NKIRAS1: variants seen among roughly 807,000 people sequenced by gnomAD.
The protein encoded by NKIRAS1 is NFKB inhibitor interacting Ras like 1.
In NKIRAS1, 16 loss-of-function variants were observed where a neutral mutation model predicts 19.8. The observed-to-expected ratio is 0.81, with a 90% CI of 0.55 to 1.23. The LOEUF (loss-of-function observed/expected upper bound fraction) is 1.23, where lower values mean the gene tolerates loss of function less well. NKIRAS1 is among the 50% of genes most tolerant of loss of function. The pLI is 0.00. For missense variants in NKIRAS1, 184 were observed against 220.0 expected, an observed-to-expected ratio of 0.84 and a Z score of 1.04; for synonymous variants, 88 against 79.0, an observed-to-expected ratio of 1.11 and a Z score of -0.61.
chr3:23,897,440 A>G (rs1702093098), intron 4 of NKIRAS1, among the ~76,000 whole-genome samples: 1 of 152,162 alleles, frequency 6.6e-6, no homozygotes, highest in African/African-American at 2.4e-5. Flanking sequence ...TACTTATTCA[A>G]TTTTTTAAAA....
At chr3:23,920,223 G>A (rs1268857417), upstream of NKIRAS1, 8 of 985,666 alleles carry the variant, frequency 8.1e-6, no homozygotes, top group Middle Eastern at 5.2e-4. Context: ...ATACTTAACC[G>A]TAATGCTAAT....
chr3:23,894,937 A>G (rs574248317), intron 4 of NKIRAS1, among the ~76,000 whole-genome samples: 1 of 152,330 alleles, frequency 6.6e-6, no homozygotes, highest in South Asian at 2.1e-4. Context: ...CTGGCCACGT[A>G]GATGCTGCTT....
intron 3 of NKIRAS1, among the ~76,000 whole-genome samples, chr3:23,903,952 G>A (rs2125390305): frequency 6.6e-6 from 1 of 152,244 alleles, no homozygotes; most frequent in South Asian, 2.1e-4. Flanking sequence ...ATCACCTGAG[G>A]TCAGGAGTTC....
chr3:23,915,104 GATTAA>G (rs1395074833), intron 1 of NKIRAS1, among the ~76,000 whole-genome samples: 4 of 152,100 alleles, frequency 2.6e-5, no homozygotes, highest in South Asian at 2.1e-4. Context: ...TTGCGGGGGT[GATTAA>G]ATTAAGAACT....
At chr3:23,904,644 CAA>C (rs1702841650) in intron 3 of NKIRAS1, among the ~76,000 whole-genome samples, 1 of 151,836 alleles carries the variant, frequency 6.6e-6, no homozygotes, top group Non-Finnish European at 1.5e-5. Context: ...CAACTAAGAA[CAA>C]AGAAGAGAGC....
At chr3:23,942,132 C>G (rs1037101672) in intron 1 of NKIRAS1, among the ~76,000 whole-genome samples, 1 of 152,188 alleles carries the variant, frequency 6.6e-6, no homozygotes, top group Middle Eastern at 3.4e-3. Context: ...GTGTGTGCTA[C>G]CACATCCGGC....
chr3:23,892,021 G>T lies in NKIRAS1; in HGVS notation c.*1074C>A, dbSNP rs1701507088. On this transcript the variant is annotated 3_prime_UTR_variant, in exon 5 of 5. Transcript: ENST00000425478. ...GATTTGTAAGTATCGTCTTTTATAT[G>T]TAGTAGTTCTTCACTAGAGCTCATG... 6.6e-6 allele frequency: 1 copy of T among 152,134 alleles called. No homozygotes were observed. 9.4% of individuals were successfully genotyped at this position (152,134 alleles called of 1,614,324 possible). A position where few individuals can be genotyped will look rare whatever the true frequency, so the allele number is the denominator to read the frequency against.
intron 4 of NKIRAS1, among the ~76,000 whole-genome samples, chr3:23,899,436 A>G (rs548835223): frequency 6.6e-6 from 1 of 152,356 alleles, no homozygotes; most frequent in African/African-American, 2.4e-5. Context: ...ACATCTAGCC[A>G]GTACTTTTTG....
At chr3:23,907,972 A>G (rs1292314454) in intron 3 of NKIRAS1, among the ~76,000 whole-genome samples, 1 of 152,220 alleles carries the variant, frequency 6.6e-6, no homozygotes, top group Non-Finnish European at 1.5e-5. Flanking sequence ...CATTTTCTCA[A>G]AAAGTAATAA....
intron 1 of NKIRAS1, chr3:23,946,086 T>C: frequency 9.2e-6 from 9 of 983,142 alleles, no homozygotes; most frequent in Non-Finnish European, 1.1e-5. Context: ...GCTCCGCCCC[T>C]TTGGAAGCCT....
chr3:23,928,236 G>C (rs1480182303), intron 1 of NKIRAS1, among the ~76,000 whole-genome samples: 2 of 151,236 alleles, frequency 1.3e-5, no homozygotes, highest in Non-Finnish European at 2.9e-5. Context: ...GTTGCAGTGA[G>C]GCAAGATTGC....
upstream of NKIRAS1, chr3:23,918,973 G>A (rs111878423): frequency 5.1e-5 from 30 of 586,800 alleles, no homozygotes; most frequent in African/African-American, 5.0e-4. Context: ...CAGGAATGGA[G>A]TATTAAGAGG....
intron 1 of NKIRAS1, among the ~76,000 whole-genome samples, chr3:23,914,041 G>A (rs1704039477): frequency 6.6e-6 from 1 of 152,178 alleles, no homozygotes; most frequent in Non-Finnish European, 1.5e-5. Flanking sequence ...CTCACCTGAT[G>A]TAAATTACTA....
intron 1 of NKIRAS1, among the ~76,000 whole-genome samples, chr3:23,943,813 T>C (rs1020293634): frequency 3.3e-5 from 5 of 152,164 alleles, no homozygotes; most frequent in African/African-American, 1.2e-4. Context: ...TTAGAAGGGT[T>C]TGGGTATCAA....
chr3:23,894,054 T>A (rs970066369), intron 4 of NKIRAS1, among the ~76,000 whole-genome samples: 2 of 152,170 alleles, frequency 1.3e-5, no homozygotes, highest in African/African-American at 4.8e-5. Context: ...GTGTTCACAT[T>A]ATTCACAATA....
rs755596082 is a variant in NKIRAS1 at position 23,910,940 on chromosome 3, G to A, written c.-17-19C>T. ...GATATCACTGTGGAGAGAATAACAG[G>A]TCTTTTAAATTGTATACTGTTGAAA... On this transcript the variant is annotated intron_variant, in intron 2 of 4. Coordinates refer to ENST00000425478, the MANE Select transcript of NKIRAS1 (RefSeq NM_020345.4). 34 of 1,549,874 alleles carry A rather than the reference G, an allele frequency of 2.2e-5. No individual in the cohort carries two copies. The highest frequency in any genetic ancestry group is 2.8e-5 in the Non-Finnish European group (31 of 1,122,362).
intron 1 of NKIRAS1, among the ~76,000 whole-genome samples, chr3:23,940,875 G>T (rs1248368908): frequency 6.6e-6 from 1 of 152,216 alleles, no homozygotes; most frequent in African/African-American, 2.4e-5. Flanking sequence ...ACTGCAATTT[G>T]CTGTGTCACA....
chr3:23,930,583 T>C (rs536721701), intron 1 of NKIRAS1, among the ~76,000 whole-genome samples: 12 of 152,348 alleles, frequency 7.9e-5, no homozygotes, highest in African/African-American at 2.4e-4. Context: ...TTTACTATTA[T>C]GAAATTAAAT....
intron 3 of NKIRAS1, among the ~76,000 whole-genome samples, chr3:23,903,518 A>G (rs1440534843): frequency 6.8e-6 from 1 of 148,090 alleles, no homozygotes; most frequent in Non-Finnish European, 1.5e-5. Context: ...CCAACTATAC[A>G]AAGAAAAGAA....
Sources: gnomAD v4.1 joint callset for allele counts (sites outside exome capture counted in the v4.1 genomes callset) on GRCh38, gnomAD v4.1.1 for gene constraint, MANE v1.5 for transcripts, NCBI Gene and HGNC (gene_info 2026-07-23, HGNC 2026-07-21) for gene names.